The following PIK3R6 variants were observed in gnomAD, a reference collection of about 807,000 sequenced individuals.
The protein encoded by PIK3R6 is phosphoinositide 3-kinase regulatory subunit 6.
A neutral mutation model predicts 84.9 loss-of-function variants in PIK3R6; 91 were observed. The ratio of observed to expected loss-of-function variants is 1.07; its 90% CI spans 0.90 to 1.28. The LOEUF is 1.28. Among genes scored for constraint, PIK3R6 ranks in the 50% most tolerant of loss-of-function variants. PIK3R6 has a pLI of 0.00. For missense variants in PIK3R6, 996 were observed against 985.1 expected (o/e 1.01, Z -0.15); for synonymous variants, 416 against 411.4 (o/e 1.01, Z -0.13).
rs1169046784 is a variant in PIK3R6 at position 8,844,966 on chromosome 17, T to C, written c.13+4816A>G. 6.6e-6 allele frequency among the ~76,000 whole-genome samples: 1 copy of C among 152,204 alleles called. No homozygotes were observed. Among genetic ancestry groups the C allele is most frequent in the Non-Finnish European group, 1.5e-5 (1 of 68,046 alleles). On this transcript the variant is annotated intron_variant, in intron 2 of 19. Transcript: ENST00000619866. This position sits in a 1 kb window ranked among gnomAD's most constrained non-coding sequence, Gnocchi z 4.5. ...ACATTAATTTGCTTAGTGTAATAGC[T>C]TCCAGCTCCATCCATATTGCAACGA... is the stretch of plus-strand genomic sequence containing the variant.
At chr17:8,850,171 G>A (rs1337971539) in intron 1 of PIK3R6, among the ~76,000 whole-genome samples, 2 of 152,096 alleles carry the variant, frequency 1.3e-5, no homozygotes, top group Admixed American at 1.3e-4. Context: ...TGGGCATGGT[G>A]GCAGGTGCCT....
At chr17:8,843,502 G>A (rs1230091265) in intron 2 of PIK3R6, among the ~76,000 whole-genome samples, 1 of 152,110 alleles carries the variant, frequency 6.6e-6, no homozygotes, top group African/African-American at 2.4e-5. Flanking sequence ...CAGAAAAATA[G>A]AGAAGTTGCC....
chr17:8,827,501 T>C (rs887005729), intron 12 of PIK3R6, among the ~76,000 whole-genome samples: 7 of 152,112 alleles, frequency 4.6e-5, no homozygotes, highest in African/African-American at 1.4e-4. Flanking sequence ...AGCAGGGACA[T>C]TGAAAAATGA....
In PIK3R6 at chr17:8,837,886, A is replaced by G; in HGVS notation, c.190-15T>C. 1 of 1,610,154 alleles carries G rather than the reference A, an allele frequency of 6.2e-7. No homozygotes were observed. Among genetic ancestry groups the G allele is most frequent in the Non-Finnish European group, 8.5e-7 (1 of 1,176,432 alleles). On this transcript the variant is annotated splice_polypyrimidine_tract_variant and intron_variant, in intron 4 of 19. Coordinates refer to ENST00000619866, the MANE Select transcript of PIK3R6 (RefSeq NM_001010855.4). ...TGGCTTTCCGCCTGGAAAACAGGAG[A>G]TCACGTGACAGGTATTGGGCTGGGG...
At chr17:8,806,667 C>G (rs1323931112) in intron 18 of PIK3R6, among the ~76,000 whole-genome samples, 1 of 152,218 alleles carries the variant, frequency 6.6e-6, no homozygotes, top group Non-Finnish European at 1.5e-5. Context: ...GTCTCCTGTT[C>G]TCTGTTGGTG....
At chr17:8,814,213 A>ATGTTTT (rs528042541) in intron 18 of PIK3R6, among the ~76,000 whole-genome samples, 1 of 76,408 alleles carries the variant, frequency 1.3e-5, no homozygotes, top group African/African-American at 6.4e-5. Context: ...TCAGAGAGAG[A>ATGTTTT]TCTTTTTTTT....
chr17:8,866,674 C>T (rs2089421208), intron 1 of PIK3R6, among the ~76,000 whole-genome samples: 1 of 152,120 alleles, frequency 6.6e-6, no homozygotes, highest in African/African-American at 2.4e-5. Flanking sequence ...TGCTGAGGTG[C>T]CTCTTGCCTC....
At chr17:8,827,063 C>T in intron 13 of PIK3R6, 109 bp downstream of exon 13, 1 of 1,314,276 alleles carries the variant, frequency 7.6e-7, no homozygotes, top group Non-Finnish European at 1.0e-6. Flanking sequence ...ATGGCCCCCT[C>T]TCACCCCCAT....
intron 2 of PIK3R6, among the ~76,000 whole-genome samples, chr17:8,840,344 T>C (rs1430603623): frequency 1.5e-5 from 2 of 134,212 alleles, no homozygotes; most frequent in African/African-American, 5.2e-5. Context: ...ATATGAAATA[T>C]ATATAGCCTC....
intron 18 of PIK3R6, 106 bp from the exon 19 acceptor site, chr17:8,804,259 G>C: frequency 1.1e-6 from 1 of 901,662 alleles, no homozygotes; most frequent in African/African-American, 1.6e-5. Context: ...CCAGCACATG[G>C]GGTCCCCAGC....
intron 1 of PIK3R6, among the ~76,000 whole-genome samples, chr17:8,866,501 C>T (rs768144306): frequency 1.3e-5 from 2 of 152,158 alleles, no homozygotes; most frequent in Non-Finnish European, 2.9e-5. Flanking sequence ...GAGATCGCAC[C>T]ACTACACTCC....
intron 10 of PIK3R6, among the ~76,000 whole-genome samples, chr17:8,829,330 C>A (rs111067484): frequency 0.024 from 3,216 of 134,878 alleles, 82 homozygotes; most frequent in African/African-American, 0.067. Context: ...ACGCATACAC[C>A]CATGCAAGCA....
intron 6 of PIK3R6, 44 bp downstream of exon 6, chr17:8,836,747 T>C (rs758561931): frequency 1.1e-5 from 17 of 1,610,674 alleles, no homozygotes; most frequent in African/African-American, 1.3e-5. Flanking sequence ...CTGGGCAATG[T>C]TGGAGGTGCA....
intron 1 of PIK3R6, among the ~76,000 whole-genome samples, chr17:8,861,062 G>A (rs565596904): frequency 4.6e-5 from 7 of 151,934 alleles, no homozygotes; most frequent in African/African-American, 1.7e-4. Context: ...GGGTGTGGTG[G>A]TCCCAGCTAC....
At chr17:8,840,524 T>C (rs1405992265) in intron 2 of PIK3R6, among the ~76,000 whole-genome samples, 1 of 147,550 alleles carries the variant, frequency 6.8e-6, no homozygotes, top group Non-Finnish European at 1.5e-5. Context: ...ATATGAAATA[T>C]ATATATGGCC....
rs1456933026 is a variant in PIK3R6 at position 8,839,177 on chromosome 17, A to T, written c.97+437T>A. 6.6e-6 allele frequency among the ~76,000 whole-genome samples: 1 copy of T among 152,046 alleles called. No homozygotes were observed. Among genetic ancestry groups the T allele is most frequent in the Non-Finnish European group, 1.5e-5 (1 of 67,992 alleles). ...AACCTGGCCAACATGGTGAAACTGCATCTCTACGAAAAATACAAAAATTAG... is the reference window on the plus strand; with the variant it reads ...AACCTGGCCAACATGGTGAAACTGCTTCTCTACGAAAAATACAAAAATTAG... On this transcript the variant is annotated intron_variant, in intron 3 of 19. Transcript: ENST00000619866. The surrounding 1 kb of genome is among the most constrained non-coding windows in gnomAD (Gnocchi z 4.2).
At position 8,804,105 on chromosome 17, in the gene PIK3R6, C is replaced by G; in HGVS notation, c.2044G>C (p.Asp682His). The change falls in exon 19 of 20, where the codon GAC becomes CAC. Residue 682 changes from aspartate to histidine, a missense_variant. Transcript: ENST00000619866. ...RTNNIQIQSR[D>H]QRLLTLSLDK... The stretch of plus-strand genomic sequence containing the variant: ...AGCGACAGTGTCAGCAGCCTCTGGT[C>G]CCGGCTCTGGATCTGGATATTGTTC... 2.5e-6 allele frequency: 4 copies of G among 1,614,042 alleles called. No homozygotes were observed. The highest frequency in any genetic ancestry group is 3.3e-5 in the Admixed American group (2 of 60,028).
chr17:8,841,599 ACTG>A (rs904843964), intron 2 of PIK3R6, among the ~76,000 whole-genome samples: 11 of 152,050 alleles, frequency 7.2e-5, no homozygotes, highest in African/African-American at 2.7e-4. Flanking sequence ...CCAAGTTGAG[ACTG>A]CTTTCTCTTT....
In PIK3R6 at chr17:8,814,598, A is replaced by G. The variant is rs189154622; in HGVS notation, c.1995+4485T>C. The stretch of plus-strand genomic sequence containing the variant: ...AATAGCCTAAATTTTCAAAAAATGA[A>G]TTTGAAGAAAACTCCCCCAAAATTG... On this transcript the variant is annotated intron_variant, in intron 18 of 19. Transcript: ENST00000619866. Among the ~76,000 whole-genome samples, 188 of 152,258 alleles carry G rather than the reference A, an allele frequency of 1.2e-3. 1 individual carries two copies. Among genetic ancestry groups the G allele is most frequent in the African/African-American group, 3.8e-3 (157 of 41,550 alleles).
Sources: gnomAD v4.1 joint callset for allele counts (sites outside exome capture counted in the v4.1 genomes callset) on GRCh38, gnomAD v4.1.1 for gene constraint, Gnocchi (gnomAD v3.1) non-coding constraint, MANE v1.5 for transcripts, NCBI Gene and HGNC (gene_info 2026-07-23, HGNC 2026-07-21) for gene names.